Variants in ARHGAP15 observed in about 807,000 individuals in gnomAD.
The protein encoded by ARHGAP15 is Rho GTPase activating protein 15, also known as rho GTPase-activating protein 15.
In ARHGAP15, 51 loss-of-function variants were observed where a neutral mutation model predicts 63.7. That is an observed-to-expected ratio of 0.80 (90% CI 0.64 to 1.01). The LOEUF (loss-of-function observed/expected upper bound fraction) is 1.01, where lower values mean the gene tolerates loss of function less well. Among genes scored for constraint, ARHGAP15 ranks in the 50% least tolerant of loss-of-function variants. The probability of loss-of-function intolerance (pLI) is 0.00; values close to 1 mark genes in which losing one functional copy is unlikely to be tolerated. For synonymous variants in ARHGAP15, 191 were observed against 193.8 expected, an observed-to-expected ratio of 0.99 and a Z score of 0.12; for missense variants, 560 against 564.6, an observed-to-expected ratio of 0.99 and a Z score of 0.08.
intron 11 of ARHGAP15, among the ~76,000 whole-genome samples, chr2:143,561,595 A>T (rs1696027816): frequency 6.9e-6 from 1 of 144,836 alleles, no homozygotes; most frequent in Non-Finnish European, 1.5e-5. Context: ...GGCTCACTGC[A>T]ACCTCCACCT....
At chr2:143,338,213 A>C (rs557334596) in intron 6 of ARHGAP15, among the ~76,000 whole-genome samples, 2 of 152,328 alleles carry the variant, frequency 1.3e-5, no homozygotes, top group African/African-American at 4.8e-5. Context: ...GTTTAACCCA[A>C]GAAGTCCAAT....
At chr2:143,243,553 T>C (rs943151326) in intron 5 of ARHGAP15, among the ~76,000 whole-genome samples, 3 of 152,176 alleles carry the variant, frequency 2.0e-5, no homozygotes, top group Non-Finnish European at 4.4e-5. Flanking sequence ...TTTATAATGA[T>C]GTAGAATATG....
intron 6 of ARHGAP15, among the ~76,000 whole-genome samples, chr2:143,370,022 A>G (rs1405305270): frequency 6.6e-6 from 1 of 152,156 alleles, no homozygotes; most frequent in Non-Finnish European, 1.5e-5. Flanking sequence ...CATCACAATC[A>G]TTTTGGGACA....
intron 13 of ARHGAP15, among the ~76,000 whole-genome samples, chr2:143,707,820 G>A (rs758831268): frequency 6.6e-6 from 1 of 152,182 alleles, no homozygotes; most frequent in Non-Finnish European, 1.5e-5. Context: ...TTGGAGAAAT[G>A]CTGTGTTAAA....
At chr2:143,626,876 A>G (rs1484743455) in intron 12 of ARHGAP15, among the ~76,000 whole-genome samples, 3 of 152,140 alleles carry the variant, frequency 2.0e-5, no homozygotes, top group African/African-American at 7.2e-5. Context: ...TCCCATCAAA[A>G]TGTATATGTT....
At chr2:143,601,146 G>A (rs1157065847) in intron 11 of ARHGAP15, among the ~76,000 whole-genome samples, 1 of 152,064 alleles carries the variant, frequency 6.6e-6, no homozygotes, top group Non-Finnish European at 1.5e-5. Flanking sequence ...GAGTTTGAAG[G>A]AAACCGAACA....
At chr2:143,539,951 C>T (rs1000022418) in intron 10 of ARHGAP15, among the ~76,000 whole-genome samples, 23 of 151,936 alleles carry the variant, frequency 1.5e-4, no homozygotes, top group African/African-American at 4.8e-4. Flanking sequence ...CTTTCTGTCT[C>T]GTTGATCTGT....
At chr2:143,271,149 C>T (rs1312937925) in intron 6 of ARHGAP15, among the ~76,000 whole-genome samples, 2 of 152,122 alleles carry the variant, frequency 1.3e-5, no homozygotes, top group Non-Finnish European at 2.9e-5. Flanking sequence ...TCTTTTCTTT[C>T]TTTAATAAAG....
At chr2:143,539,562 A>C (rs1481564747) in intron 10 of ARHGAP15, among the ~76,000 whole-genome samples, 1 of 151,826 alleles carries the variant, frequency 6.6e-6, no homozygotes, top group Non-Finnish European at 1.5e-5. Flanking sequence ...TGTGTCCCAG[A>C]GATTCTGGTA....
At chr2:143,577,033 C>T (rs1696706750) in intron 11 of ARHGAP15, among the ~76,000 whole-genome samples, 2 of 152,134 alleles carry the variant, frequency 1.3e-5, no homozygotes, top group South Asian at 2.1e-4. Flanking sequence ...AAGCAAATCA[C>T]TTGAAAGAGA....
chr2:143,379,663 CTA>C (rs1558932310), intron 6 of ARHGAP15, among the ~76,000 whole-genome samples: 4 of 150,840 alleles, frequency 2.7e-5, no homozygotes, highest in Admixed American at 6.6e-5. Flanking sequence ...GTATTGTCAA[CTA>C]TAGAGAAAAG....
intron 8 of ARHGAP15, among the ~76,000 whole-genome samples, chr2:143,438,264 T>C (rs1426486968): frequency 1.3e-5 from 2 of 151,964 alleles, no homozygotes; most frequent in Non-Finnish European, 2.9e-5. Flanking sequence ...TATATACATA[T>C]ATACATACAC....
At chr2:143,429,220 GTT>G (rs67580605) in intron 6 of ARHGAP15, among the ~76,000 whole-genome samples, 6,306 of 131,882 alleles carry the variant, frequency 0.048, 194 homozygotes, top group African/African-American at 0.1. Context: ...GAACATGAGG[GTT>G]TTTTTTTTTT....
intron 12 of ARHGAP15, among the ~76,000 whole-genome samples, chr2:143,632,511 GATTA>G (rs1248481315): frequency 6.6e-6 from 1 of 151,892 alleles, no homozygotes; most frequent in Non-Finnish European, 1.5e-5. Context: ...TTTTTTAAAT[GATTA>G]ATTAAGGAGT....
intron 11 of ARHGAP15, among the ~76,000 whole-genome samples, chr2:143,573,795 A>C (rs971102983): frequency 3.9e-5 from 6 of 152,100 alleles, no homozygotes; most frequent in African/African-American, 1.4e-4. Context: ...CTTCCTTTAC[A>C]AGAGGTAACC....
At chr2:143,236,045 A>G in intron 5 of ARHGAP15, 1 of 1,505,478 alleles carries the variant, frequency 6.6e-7, no homozygotes, top group Non-Finnish European at 8.9e-7. Context: ...GGATTGCATC[A>G]TAGAGAAGAA....
intron 6 of ARHGAP15, among the ~76,000 whole-genome samples, chr2:143,263,787 T>C (rs549046391): frequency 6.6e-6 from 1 of 152,184 alleles, no homozygotes; most frequent in Admixed American, 6.5e-5. Context: ...AATCAGTCTA[T>C]ATTCTAACCT....
intron 6 of ARHGAP15, among the ~76,000 whole-genome samples, chr2:143,301,798 CG>C (rs1574237799): frequency 6.6e-6 from 1 of 151,162 alleles, no homozygotes; most frequent in African/African-American, 2.4e-5. Flanking sequence ...TATATACATC[CG>C]TCTAGATATA....
chr2:143,672,615 C>A (rs1682583047), intron 12 of ARHGAP15, among the ~76,000 whole-genome samples: 1 of 152,164 alleles, frequency 6.6e-6, no homozygotes, highest in South Asian at 2.1e-4. Flanking sequence ...TCCACTGATA[C>A]ATGTAAAATG....
Sources: gnomAD v4.1 joint callset for allele counts (sites outside exome capture counted in the v4.1 genomes callset) on GRCh38, gnomAD v4.1.1 for gene constraint, MANE v1.5 for transcripts, NCBI Gene and HGNC (gene_info 2026-07-23, HGNC 2026-07-21) for gene names.